RGS1: variants seen among roughly 807,000 people sequenced by gnomAD.
RGS1 encodes the protein B-cell activation protein BL34.
A neutral mutation model predicts 22.2 loss-of-function variants in RGS1; 11 were observed. That is an observed-to-expected ratio of 0.50 (90% CI 0.31 to 0.82). The LOEUF (loss-of-function observed/expected upper bound fraction) is 0.82, where lower values mean the gene tolerates loss of function less well. RGS1 is among the 40% of genes least tolerant of loss of function. RGS1 has a pLI of 0.04. For missense variants in RGS1, 255 were observed against 245.8 expected (o/e 1.04, Z -0.25); for synonymous variants, 81 against 79.9 (o/e 1.01, Z -0.07).
intron 4 of RGS1, chr1:192,578,780 T>C (rs1466570527): frequency 8.2e-6 from 3 of 364,498 alleles, no homozygotes; most frequent in Non-Finnish European, 1.5e-5. Context: ...TAAATATTCT[T>C]GGTCCAAGCA....
chr1:192,578,264 G>C lies in RGS1; in HGVS notation c.323G>C (p.Ser108Thr), dbSNP rs1662098392. Residue 108 changes from serine (S) to threonine (T), a missense_variant, in exon 4 of 5, where the codon AGT becomes ACT. By Grantham distance (58) the Ser-to-Thr change is moderately conservative (BLOSUM62 1). Coordinates refer to ENST00000367459, the MANE Select transcript of RGS1 (RefSeq NM_002922.4). ...GGAAGTTTCCTAAAGTCTGAATTCA[G>C]TGAGGAGAATATTGAGTTCTGGCTG... ...VFGSFLKSEF[S>T]EENIEFWLAC... The C allele has an allele frequency of 6.2e-7, 1 of 1,611,582 alleles. No individual in the cohort carries two copies. Among genetic ancestry groups the C allele is most frequent in the Non-Finnish European group, 8.5e-7 (1 of 1,178,706 alleles).
chr1:192,577,383 T>A (rs12086898), intron 3 of RGS1: 1 of 152,098 alleles, frequency 6.6e-6, no homozygotes, highest in Non-Finnish European at 1.5e-5. Flanking sequence ...AACATGATAG[T>A]TTTTATGACA....
At chr1:192,577,946 C>T (rs2760531) in intron 3 of RGS1, 9,264 of 379,096 alleles carry the variant, frequency 0.024, 751 homozygotes, top group African/African-American at 0.17. Flanking sequence ...ATTCAAACCG[C>T]GGATAGAAGC....
At position 192,576,785 on chromosome 1, in the gene RGS1, C is replaced by A. The variant is rs1662068702; in HGVS notation, c.230C>A (p.Ala77Asp). ...TTTGTCCCCTGCAGACTTTCTGCTG[C>A]TGAAGTAATGCAATGGTCTCAATCT... ...SSKSKDVLSA[A>D]EVMQWSQSLE... The change falls in exon 3 of 5, where the codon GCT becomes GAT. Residue 77 changes from alanine to aspartate, a missense_variant. Transcript: ENST00000367459. 2.5e-6 allele frequency: 4 copies of A among 1,611,770 alleles called. No homozygotes were observed. The East Asian group carries it at 8.9e-5, about 36-fold the overall frequency.
intron 3 of RGS1, chr1:192,577,899 T>C (rs544619550): frequency 1.3e-4 from 34 of 265,722 alleles, no homozygotes; most frequent in African/African-American, 7.4e-4. Context: ...TTGGCATATA[T>C]AAAAGATGGT....
Position 192,576,153 on chromosome 1 carries a change from G to T in RGS1, c.138-132G>T, listed in dbSNP as rs1662054723. Reference sequence around the variant, plus strand: ...TTCTCTACACAGGCTCATAAAAATGGGTTCTATAGCAAAATGTTGTATCAA... The same window carrying T: ...TTCTCTACACAGGCTCATAAAAATGTGTTCTATAGCAAAATGTTGTATCAA... On this transcript the variant is annotated intron_variant, in intron 1 of 4. Coordinates refer to ENST00000367459, the MANE Select transcript of RGS1 (RefSeq NM_002922.4). 3 of 896,134 alleles carry T rather than the reference G, an allele frequency of 3.3e-6. No individual in the cohort carries two copies. In the East Asian group the frequency reaches 7.9e-5, roughly 24 times the overall value. 55.5% of individuals were successfully genotyped at this position (896,134 alleles called of 1,614,324 possible).
chr1:192,576,572 T>C, intron 2 of RGS1: 1 of 655,272 alleles, frequency 1.5e-6, no homozygotes, highest in Non-Finnish European at 2.5e-6. Flanking sequence ...ATTTGGATTT[T>C]TTCAAATTTT....
chr1:192,578,427 C>G (rs778793586), intron 4 of RGS1, 42 bp downstream of exon 4: 7 of 1,596,274 alleles, frequency 4.4e-6, no homozygotes, highest in Non-Finnish European at 6.0e-6. Context: ...CCATAAAAGA[C>G]CCTATATGCA....
intron 4 of RGS1, chr1:192,578,899 C>A: frequency 2.1e-6 from 1 of 468,700 alleles, no homozygotes; most frequent in Non-Finnish European, 3.7e-6. Flanking sequence ...TTCATGTCTG[C>A]TTCTTTTGCC....
intron 4 of RGS1, 195 bp downstream of exon 4, chr1:192,578,580 A>G (rs1923949): frequency 0.35 from 230,437 of 657,970 alleles, 50,336 homozygotes; most frequent in African/African-American, 0.83. Flanking sequence ...ACAGTAGAAT[A>G]AAGAGACTGA....
chr1:192,576,344 A>T lies in RGS1; in HGVS notation c.197A>T (p.Lys66Ile). 2 of 1,610,870 alleles carry T rather than the reference A, an allele frequency of 1.2e-6. No individual in the cohort carries two copies. The highest frequency in any genetic ancestry group is 1.7e-6 in the Non-Finnish European group (2 of 1,177,574). Residue 66 changes from lysine (K) to isoleucine (I), a missense_variant, in exon 2 of 5, where the codon AAA (lysine) becomes ATA (isoleucine). Lys to Ile is a moderately radical substitution (Grantham distance 102, BLOSUM62 -3). Transcript: ENST00000367459. ...ATCCCACATCTGGAATCTGGAATGA[A>T]ATCTTCCAAGTCCAAGGATGTGTAA... Reference protein sequence around the residue: ...SMIPHLESGMKSSKSKDVLSA... With the variant: ...SMIPHLESGMISSKSKDVLSA...
At chr1:192,576,979 G>A in intron 3 of RGS1, 144 bp downstream of exon 3, 1 of 578,176 alleles carries the variant, frequency 1.7e-6, no homozygotes, top group Non-Finnish European at 2.8e-6. Flanking sequence ...CTTCAGCATA[G>A]TATGCCTCTT....
intron 3 of RGS1, 38 bp downstream of exon 3, chr1:192,576,873 A>G: frequency 6.4e-7 from 1 of 1,554,676 alleles, no homozygotes; most frequent in Non-Finnish European, 8.9e-7. Flanking sequence ...GTTCAGCTAA[A>G]TACTCTAAAA....
chr1:192,578,579 T>A, intron 4 of RGS1, 194 bp downstream of exon 4: 2 of 673,574 alleles, frequency 3.0e-6, no homozygotes, highest in South Asian at 4.2e-5. Flanking sequence ...CACAGTAGAA[T>A]AAAGAGACTG....
intron 4 of RGS1, chr1:192,578,672 C>A (rs866865273): frequency 4.1e-6 from 2 of 484,000 alleles, no homozygotes; most frequent in African/African-American, 2.0e-5. Context: ...GTCAGGGAGT[C>A]CTTAATGAGT....
rs574265710 is a variant in RGS1 at position 192,576,295 on chromosome 1, A to T, written c.148A>T (p.Met50Leu). ...KRRPKTFGMD[M>L]KAYLRSMIPH... ...TTATGTCTTTTGTAGTGGAATGGAT[A>T]TGAAAGCATACCTGAGATCTATGAT... The change falls in exon 2 of 5, where the codon ATG becomes TTG. Residue 50 changes from methionine (M) to leucine (L), a missense_variant. By Grantham distance (15) the Met-to-Leu change is conservative. Coordinates refer to ENST00000367459, the MANE Select transcript of RGS1 (RefSeq NM_002922.4). The T allele has an allele frequency of 6.1e-5, 98 of 1,608,488 alleles. 1 individual carries two copies. In the South Asian group the frequency reaches 1.1e-3, roughly 18 times the overall value.
intron 3 of RGS1, 164 bp downstream of exon 3, chr1:192,576,999 G>A (rs1337472220): frequency 2.1e-6 from 1 of 471,258 alleles, no homozygotes; most frequent in Non-Finnish European, 3.6e-6. Flanking sequence ...TAATAATGCT[G>A]ACTTAGCACT....
chr1:192,577,277 G>T, intron 3 of RGS1: 1 of 153,948 alleles, frequency 6.5e-6, no homozygotes, highest in Non-Finnish European at 1.4e-5. Flanking sequence ...CTTATGTAGA[G>T]GACATTGTAG....
intron 1 of RGS1, 83 bp downstream of exon 1, chr1:192,576,012 T>G (rs537603910): frequency 1.3e-6 from 2 of 1,514,006 alleles, no homozygotes; most frequent in African/African-American, 2.7e-5. Flanking sequence ...TGGAAGAGAG[T>G]GTGAGCATTT....
Sources: allele counts gnomAD v4.1 joint callset, GRCh38; gene constraint gnomAD v4.1.1; transcripts MANE v1.5; gene names NCBI Gene and HGNC (gene_info 2026-07-23, HGNC 2026-07-21).